The following PAPOLA variants were observed in gnomAD, a reference collection of about 807,000 sequenced individuals.
PAPOLA encodes the protein polynucleotide adenylyltransferase alpha.
In PAPOLA, 15 loss-of-function variants were observed where a neutral mutation model predicts 100.6. The ratio of observed to expected loss-of-function variants is 0.15; its 90% CI spans 0.10 to 0.23. The LOEUF (loss-of-function observed/expected upper bound fraction) is 0.23, where lower values mean the gene tolerates loss of function less well. Among genes scored for constraint, PAPOLA ranks in the 10% least tolerant of loss-of-function variants. PAPOLA has a pLI of 1.00. For missense variants in PAPOLA, 533 were observed against 884.2 expected (o/e 0.60, Z 5.04); for synonymous variants, 293 against 300.0 (o/e 0.98, Z 0.24).
intron 1 of PAPOLA, among the ~76,000 whole-genome samples, chr14:96,518,478 A>G (rs1324019301): frequency 6.6e-6 from 1 of 150,598 alleles, no homozygotes; most frequent in Non-Finnish European, 1.5e-5. Flanking sequence ...GTGCGATCTC[A>G]GCTCACTGCA....
chr14:96,527,236 G>A (rs1898569549), intron 4 of PAPOLA, 194 bp from the exon 5 acceptor site: 1 of 547,616 alleles, frequency 1.8e-6, no homozygotes, highest in Non-Finnish European at 3.2e-6. Flanking sequence ...GGATGCTGCA[G>A]GATCAAAATA....
intron 3 of PAPOLA, among the ~76,000 whole-genome samples, chr14:96,521,343 C>T (rs1186318551): frequency 6.6e-6 from 1 of 152,096 alleles, no homozygotes; most frequent in East Asian, 1.9e-4. Flanking sequence ...AGTACTTACA[C>T]TCTTCACAGA....
Position 96,544,167 on chromosome 14 carries a change from G to A in PAPOLA, c.1308G>A (p.Met436Ile), listed in dbSNP as rs748197730. 10 of 1,602,454 alleles carry A rather than the reference G, an allele frequency of 6.2e-6. No homozygotes were observed. The highest frequency in any genetic ancestry group is 7.7e-6 in the Non-Finnish European group (9 of 1,169,886). Reference sequence around the variant, plus strand: ...TTTGCAGGGAAGAATTTCGCACGATGTGGGTGATTGGGTTAGTGTTTAAAA... The same window carrying A: ...TTTGCAGGGAAGAATTTCGCACGATATGGGTGATTGGGTTAGTGTTTAAAA... ...ENPDKEEFRT[M>I]WVIGLVFKKT... Residue 436 changes from methionine (M) to isoleucine (I), a missense_variant, in exon 15 of 22, where the codon ATG becomes ATA. By Grantham distance (10) the Met-to-Ile change is conservative (BLOSUM62 1). Around this residue, in one of 9 missense-constraint regions of PAPOLA, gnomAD observed 19 missense variants for 18.7 expected, o/e 1.01. Coordinates refer to ENST00000216277, the MANE Select transcript of PAPOLA (RefSeq NM_032632.5).
chr14:96,559,871 C>T lies in PAPOLA; in HGVS notation c.2005-778C>T, dbSNP rs116934526. On this transcript the variant is annotated intron_variant, in intron 19 of 21. Transcript: ENST00000216277. ...AAGGACTTCTATAAAATATAAGTAC[C>T]GTATATTTGTCACACAAATATTAAT... Among the ~76,000 whole-genome samples, 88 of 151,764 alleles carry T rather than the reference C, an allele frequency of 5.8e-4. 1 individual carries two copies. Among genetic ancestry groups the T allele is most frequent in the Non-Finnish European group, 5.9e-4 (40 of 67,852 alleles).
chr14:96,557,634 G>GA (rs988213162), intron 19 of PAPOLA, among the ~76,000 whole-genome samples: 12 of 148,828 alleles, frequency 8.1e-5, no homozygotes, highest in Admixed American at 2.0e-4. Flanking sequence ...CTTTAGAGTG[G>GA]AAAAAAAACC....
Position 96,546,877 on chromosome 14 carries a change from C to G in PAPOLA, c.1400-920C>G, listed in dbSNP as rs375005131. ...GTTTCTCAAATGTTCCAGGCATTTT[C>G]TGCTGCTTAGGGCATTTTGTTCTTG... On this transcript the variant is annotated intron_variant, in intron 15 of 21. Coordinates refer to ENST00000216277, the MANE Select transcript of PAPOLA (RefSeq NM_032632.5). 1.8e-4 allele frequency among the ~76,000 whole-genome samples: 28 copies of G among 152,198 alleles called. No homozygotes were observed. In the East Asian group the frequency reaches 2.9e-3, roughly 16 times the overall value.
At chr14:96,536,898 TGTA>T (rs1899586184) in intron 11 of PAPOLA, 75 bp from the exon 12 acceptor site, 3 of 807,150 alleles carry the variant, frequency 3.7e-6, no homozygotes, top group Admixed American at 3.8e-5. Flanking sequence ...AGTGAGTGCA[TGTA>T]GTATGATTAA....
chr14:96,522,162 C>T (rs1465339490), intron 3 of PAPOLA, among the ~76,000 whole-genome samples: 3 of 126,730 alleles, frequency 2.4e-5, no homozygotes, highest in East Asian at 4.4e-4. Flanking sequence ...TGCTCAGTTG[C>T]CCAGGCTGAA....
chr14:96,505,863 A>G (rs930516259), intron 1 of PAPOLA, among the ~76,000 whole-genome samples: 1 of 152,310 alleles, frequency 6.6e-6, no homozygotes. Flanking sequence ...GGTATTGTAT[A>G]TAGTCATTTC....
At chr14:96,543,092 AT>A (rs144181999) in intron 14 of PAPOLA, among the ~76,000 whole-genome samples, 199 bp downstream of exon 14, 5 of 151,700 alleles carry the variant, frequency 3.3e-5, no homozygotes, top group African/African-American at 4.8e-5. Context: ...ATCAGCACAC[AT>A]TTTTTTTCTG....
intron 12 of PAPOLA, among the ~76,000 whole-genome samples, chr14:96,539,050 T>C (rs1385373527): frequency 1.3e-5 from 2 of 152,110 alleles, no homozygotes; most frequent in African/African-American, 2.4e-5. Context: ...GGGGTAACAT[T>C]GTTTTGTGAA....
chr14:96,552,450 A>C lies in PAPOLA; in HGVS notation c.1522-30A>C, dbSNP rs749107474. ...TTCAACATTTGGATGAAATAAAGAT[A>C]TATTTGATAAAATGTTTTATTGTTT... On this transcript the variant is annotated intron_variant, in intron 16 of 21. Transcript: ENST00000216277. 3.2e-6 allele frequency: 5 copies of C among 1,582,370 alleles called. No homozygotes were observed. The Admixed American group carries it at 8.4e-5, about 27-fold the overall frequency.
intron 19 of PAPOLA, 192 bp from the exon 20 acceptor site, chr14:96,560,457 T>G (rs1901747925): frequency 2.0e-6 from 1 of 493,444 alleles, no homozygotes; most frequent in South Asian, 3.3e-5. Flanking sequence ...TTTTTAATTT[T>G]ATTAGCTACT....
intron 6 of PAPOLA, 140 bp from the exon 7 acceptor site, chr14:96,531,335 T>C: frequency 1.6e-6 from 1 of 629,188 alleles, no homozygotes; most frequent in Non-Finnish European, 2.8e-6. Flanking sequence ...TTTCGCCATG[T>C]TGCCCAGGCT....
At chr14:96,534,051 C>A (rs1471030994) in intron 9 of PAPOLA, 1 of 987,192 alleles carries the variant, frequency 1.0e-6, no homozygotes, top group Non-Finnish European at 1.2e-6. Context: ...ACTTTTAAGT[C>A]ATGAATTCTA....
In PAPOLA at chr14:96,503,515, A is replaced by AT. The variant is rs918488563; in HGVS notation, c.8+925dup. Among the ~76,000 whole-genome samples the AT allele has an allele frequency of 4.1e-3, 598 of 146,998 alleles. 3 individuals carry two copies. Among genetic ancestry groups the AT allele is most frequent in the African/African-American group, 6.8e-3 (271 of 40,008 alleles). ...GCAGCTCATTGCCAGTAGATTACGG[A>AT]TTTTTTTTTTCCTGCAAATATACAG... On this transcript the variant is annotated intron_variant, in intron 1 of 21. Transcript: ENST00000216277.
Position 96,537,263 on chromosome 14 carries a change from C to T in PAPOLA, c.1115+203C>T, listed in dbSNP as rs1304658900. The stretch of plus-strand genomic sequence containing the variant: ...AGCCCCTTTGATTTTTCTGCCCGAT[C>T]TAACTGAACTCCTGCTACATTTGTA... On this transcript the variant is annotated intron_variant, in intron 12 of 21. Coordinates refer to ENST00000216277, the MANE Select transcript of PAPOLA (RefSeq NM_032632.5). The T allele has an allele frequency of 5.5e-6, 3 of 547,728 alleles. No homozygotes were observed. The East Asian group carries it at 9.0e-5, about 16-fold the overall frequency. The allele number at this position is 547,728 out of a possible 1,614,324, so 33.9% of individuals were successfully genotyped here.
intron 17 of PAPOLA, 27 bp from the exon 18 acceptor site, chr14:96,555,820 G>A: frequency 8.3e-7 from 1 of 1,204,886 alleles, no homozygotes; most frequent in Non-Finnish European, 1.2e-6. Context: ...TAAATTTTGA[G>A]ACAATTTTTA....
intron 16 of PAPOLA, 84 bp from the exon 17 acceptor site, chr14:96,552,396 C>T: frequency 8.0e-7 from 1 of 1,247,970 alleles, no homozygotes; most frequent in East Asian, 2.4e-5. Flanking sequence ...CAGTAAAAAT[C>T]ATATATGTTA....
Sources: allele counts gnomAD v4.1 joint callset (sites outside exome capture counted in the v4.1 genomes callset), GRCh38; gene constraint gnomAD v4.1.1; regional missense constraint gnomAD v4.1.1; transcripts MANE v1.5; gene names NCBI Gene and HGNC (gene_info 2026-07-23, HGNC 2026-07-21).